Variants in DAB2IP observed in about 807,000 individuals in gnomAD.
DAB2IP encodes the protein DAB2 interacting protein, also known as disabled homolog 2-interacting protein.
A neutral mutation model predicts 107.2 loss-of-function variants in DAB2IP; 28 were observed. The ratio of observed to expected loss-of-function variants is 0.26; its 90% CI spans 0.19 to 0.36. The LOEUF (loss-of-function observed/expected upper bound fraction) is 0.36. DAB2IP is among the 10% of genes least tolerant of loss of function. DAB2IP has a pLI of 1.00. For synonymous variants in DAB2IP, 755 were observed against 706.4 expected, an observed-to-expected ratio of 1.07 and a Z score of -1.09; for missense variants, 1,400 against 1,644.7, an observed-to-expected ratio of 0.85 and a Z score of 2.57.
rs3138857 is a variant in DAB2IP at position 121,679,413 on chromosome 9, T to TACACACACACACACACACAC, written c.228+653_228+672dup. 5.0e-3 allele frequency among the ~76,000 whole-genome samples: 676 copies of TACACACACACACACACACAC among 135,580 alleles called. 16 individuals carry two copies. The highest frequency in any genetic ancestry group is 0.018 in the African/African-American group (617 of 33,660). 88.9% of individuals were successfully genotyped at this position (135,580 alleles called of 152,430 possible). ...TCATACCCTTCTGCATTTGTGCATGTACACACACACACACACACACACACA... is the reference window on the plus strand; with the variant it reads ...TCATACCCTTCTGCATTTGTGCATGTACACACACACACACACACACACACACACACACACACACACACACA... On this transcript the variant is annotated intron_variant, in intron 2 of 15. Coordinates refer to ENST00000408936, the Ensembl canonical transcript of DAB2IP.
At chr9:121,611,244 G>A (rs935389695) in intron 1 of DAB2IP, among the ~76,000 whole-genome samples, 1 of 152,212 alleles carries the variant, frequency 6.6e-6, no homozygotes, top group African/African-American at 2.4e-5. Flanking sequence ...AAAGTGTTGG[G>A]ATTACAGGCA....
chr9:121,635,844 T>A lies in DAB2IP; in HGVS notation c.41-42834T>A, dbSNP rs1457651643. 3.3e-5 allele frequency among the ~76,000 whole-genome samples: 5 copies of A among 151,818 alleles called. No homozygotes were observed. The highest frequency in any genetic ancestry group is 2.9e-5 in the Non-Finnish European group (2 of 67,932). Reference sequence around the variant, plus strand: ...AGGCAGTCTGCCCAGGAGAGTCACATTTGTGGGACCCTGCTGCAGAGGACC... The same window carrying A: ...AGGCAGTCTGCCCAGGAGAGTCACAATTGTGGGACCCTGCTGCAGAGGACC... On this transcript the variant is annotated intron_variant, in intron 1 of 16. Transcript: ENST00000259371. This position sits in a 1 kb window ranked among gnomAD's most constrained non-coding sequence, Gnocchi z 4.3.
exon 16 of DAB2IP, chr9:121,783,845 A>G: frequency 2.0e-6 from 1 of 492,708 alleles, no homozygotes; most frequent in East Asian, 3.4e-5. Context: ...ACAGATGAGC[A>G]GGAGCTTGGG....
At chr9:121,655,699 C>T (rs1362398254) in intron 1 of DAB2IP, among the ~76,000 whole-genome samples, 2 of 152,158 alleles carry the variant, frequency 1.3e-5, no homozygotes, top group African/African-American at 4.8e-5. Context: ...ATCTTGCTCT[C>T]CTGCCTCTTG....
intron 1 of DAB2IP, among the ~76,000 whole-genome samples, chr9:121,668,484 C>A (rs1197136778): frequency 6.6e-6 from 1 of 152,210 alleles, no homozygotes; most frequent in African/African-American, 2.4e-5. Flanking sequence ...AGCAGCCTTC[C>A]TGCCTCGGCC....
chr9:121,761,128 G>A (rs1048065500), intron 6 of DAB2IP, among the ~76,000 whole-genome samples: 6 of 152,296 alleles, frequency 3.9e-5, no homozygotes, highest in East Asian at 1.9e-4. Context: ...CATGCAAGCC[G>A]TGCCTCAGCC....
At chr9:121,783,288 C>T (rs1835788758) in exon 16 of DAB2IP, 61 of 1,390,616 alleles carry the variant, frequency 4.4e-5, no homozygotes, top group Non-Finnish European at 5.5e-5. Context: ...CACACAGGCC[C>T]AGGCTGATGC....
In DAB2IP at chr9:121,620,520, C is replaced by T. The variant is rs535591223; in HGVS notation, c.40+53292C>T. The stretch of plus-strand genomic sequence containing the variant: ...ATAACAGTGCTAACCCCAGTAGGTT[C>T]TTGGAAGTATCAGTGAGGTAGCTAA... On this transcript the variant is annotated intron_variant, in intron 1 of 16. Coordinates refer to the DAB2IP transcript ENST00000259371. Among the ~76,000 whole-genome samples the T allele has an allele frequency of 3.9e-5, 6 of 152,332 alleles. No individual in the cohort carries two copies. The East Asian group carries it at 9.6e-4, about 24-fold the overall frequency.
chr9:121,703,047 G>A (rs1829865252), intron 3 of DAB2IP, among the ~76,000 whole-genome samples: 1 of 152,186 alleles, frequency 6.6e-6, no homozygotes, highest in South Asian at 2.1e-4. Context: ...CCCTTCCAGA[G>A]TATGTGTGTG....
intron 1 of DAB2IP, among the ~76,000 whole-genome samples, chr9:121,673,963 C>A (rs1833785973): frequency 6.6e-6 from 1 of 152,212 alleles, no homozygotes; most frequent in Non-Finnish European, 1.5e-5. Flanking sequence ...GCAGGTGGTG[C>A]CTCAGACTAT....
chr9:121,681,358 C>T (rs1194873786), intron 2 of DAB2IP, among the ~76,000 whole-genome samples: 1 of 152,186 alleles, frequency 6.6e-6, no homozygotes, highest in East Asian at 1.9e-4. Context: ...TTATAATTTG[C>T]AGCTCTTTAA....
At chr9:121,761,627 G>A (rs983832133) in intron 6 of DAB2IP, among the ~76,000 whole-genome samples, 4 of 152,100 alleles carry the variant, frequency 2.6e-5, no homozygotes, top group Non-Finnish European at 4.4e-5. Flanking sequence ...GGGCTGGGGC[G>A]GGGACCTCCT....
At position 121,781,444 on chromosome 9, in the gene DAB2IP, G is replaced by C; in HGVS notation, c.3315-20G>C. The C allele has an allele frequency of 6.2e-7, 1 of 1,613,540 alleles. No individual in the cohort carries two copies. The highest frequency in any genetic ancestry group is 8.5e-7 in the Non-Finnish European group (1 of 1,179,646). Reference sequence around the variant, plus strand: ...TGCTGCCTCCAGGGCCAGTCTGACTGTCTCTGTCTCTGGCTATAGGTTGAT... The same window carrying C: ...TGCTGCCTCCAGGGCCAGTCTGACTCTCTCTGTCTCTGGCTATAGGTTGAT... On this transcript the variant is annotated intron_variant, in intron 14 of 15. Coordinates refer to ENST00000408936, the Ensembl canonical transcript of DAB2IP.
chr9:121,598,027 T>G (rs1487422969), intron 1 of DAB2IP, among the ~76,000 whole-genome samples: 2 of 152,196 alleles, frequency 1.3e-5, no homozygotes, highest in African/African-American at 4.8e-5. Context: ...TTATGGGACA[T>G]CGTCTGCGGC....
chr9:121,610,853 T>A (rs1323090730), intron 1 of DAB2IP, among the ~76,000 whole-genome samples: 1 of 152,152 alleles, frequency 6.6e-6, no homozygotes, highest in Admixed American at 6.5e-5. Flanking sequence ...TTCCACCCCC[T>A]GTAGGTCACT....
intron 1 of DAB2IP, among the ~76,000 whole-genome samples, chr9:121,641,946 TTTCC>T (rs1832322396): frequency 7.6e-6 from 1 of 132,070 alleles, no homozygotes; most frequent in African/African-American, 3.0e-5. Context: ...TCTCTCTTTC[TTTCC>T]TTTCTTTCTT....
At chr9:121,596,299 C>A (rs1164074775) in intron 1 of DAB2IP, among the ~76,000 whole-genome samples, 8 of 152,106 alleles carry the variant, frequency 5.3e-5, no homozygotes. Flanking sequence ...CCATTGCACT[C>A]CAGCCTGGGC....
chr9:121,665,592 C>T (rs1381622316), intron 1 of DAB2IP, among the ~76,000 whole-genome samples: 2 of 152,142 alleles, frequency 1.3e-5, no homozygotes, highest in East Asian at 1.9e-4. Context: ...TGTGGAGTGA[C>T]TGTATGAAAG....
chr9:121,639,433 C>T (rs989020008), intron 1 of DAB2IP, among the ~76,000 whole-genome samples: 1 of 152,210 alleles, frequency 6.6e-6, no homozygotes, highest in African/African-American at 2.4e-5. Flanking sequence ...GATACCATGC[C>T]TATCAGAGCT....
Sources: allele counts gnomAD v4.1 joint callset (sites outside exome capture counted in the v4.1 genomes callset), GRCh38; gene constraint gnomAD v4.1.1; non-coding constraint Gnocchi (gnomAD v3.1); transcripts MANE v1.5; gene names NCBI Gene and HGNC (gene_info 2026-07-23, HGNC 2026-07-21).